The following TTI1 variants were observed in gnomAD, a reference collection of about 807,000 sequenced individuals.
TTI1 encodes the protein TELO2 interacting protein 1, also known as TELO2-interacting protein 1 homolog.
In TTI1, 52 loss-of-function variants were observed where a neutral mutation model predicts 85.4. The observed-to-expected ratio is 0.61, with a 90% CI of 0.49 to 0.77. The LOEUF (loss-of-function observed/expected upper bound fraction) is 0.77. Ranked by LOEUF, TTI1 falls within the 30% of genes least tolerant of loss-of-function variation. The pLI is 0.00. For missense variants in TTI1, 1,173 were observed against 1,296.0 expected (o/e 0.91, Z 1.46); for synonymous variants, 512 against 503.9 (o/e 1.02, Z -0.22).
At position 37,983,219 on chromosome 20, in the gene TTI1, T is replaced by C. The variant is rs1051902630; in HGVS notation, c.*237A>G. The stretch of plus-strand genomic sequence containing the variant: ...ATGGTAGGCTAAGGGGTTAAACCCT[T>C]AGAGCCACCAGACAATGTCACTTGA... On this transcript the variant is annotated 3_prime_UTR_variant, in exon 8 of 8. Coordinates refer to ENST00000373447, the MANE Select transcript of TTI1 (RefSeq NM_001303457.2). 6.5e-6 allele frequency: 3 copies of C among 463,108 alleles called. No individual in the cohort carries two copies. The highest frequency in any genetic ancestry group is 6.1e-5 in the African/African-American group (3 of 49,336). 28.7% of individuals were successfully genotyped at this position (463,108 alleles called of 1,614,324 possible). A position where few individuals can be genotyped will look rare whatever the true frequency, so the allele number is the denominator to read the frequency against.
At position 38,011,506 on chromosome 20, in the gene TTI1, T is replaced by G; in HGVS notation, c.2302+9A>C. The G allele has an allele frequency of 1.2e-6, 2 of 1,612,534 alleles. No homozygotes were observed. The highest frequency in any genetic ancestry group is 1.7e-6 in the Non-Finnish European group (2 of 1,178,974). ...CACACATCAGCATTAAAAAGGGCTC[T>G]CAATGTACCTAATGCTGCCATCAGA... On this transcript the variant is annotated intron_variant, in intron 2 of 7. Coordinates refer to ENST00000373447, the MANE Select transcript of TTI1 (RefSeq NM_001303457.2).
At chr20:38,018,024 G>A (rs1456539129) in intron 1 of TTI1, among the ~76,000 whole-genome samples, 2 of 152,156 alleles carry the variant, frequency 1.3e-5, no homozygotes, top group African/African-American at 4.8e-5. Context: ...CCTTGATGGT[G>A]GAAGATATAT....
intron 6 of TTI1, 31 bp downstream of exon 6, chr20:37,996,718 G>C (rs1325635902): frequency 6.3e-7 from 1 of 1,580,252 alleles, no homozygotes; most frequent in Non-Finnish European, 8.6e-7. Flanking sequence ...TGCTAAGTGT[G>C]TGTGTTCAGG....
chr20:37,984,583 C>T (rs1389932913), intron 7 of TTI1, among the ~76,000 whole-genome samples: 2 of 152,212 alleles, frequency 1.3e-5, no homozygotes, highest in Non-Finnish European at 2.9e-5. Flanking sequence ...ATGGGGCCCT[C>T]CTGCAGTGAG....
chr20:38,031,741 G>C (rs528071867), intron 1 of TTI1, among the ~76,000 whole-genome samples: 1 of 152,266 alleles, frequency 6.6e-6, no homozygotes, highest in Non-Finnish European at 1.5e-5. Context: ...GCAAGAATTT[G>C]GGATCAGACA....
chr20:38,010,278 T>C (rs1360554093), intron 2 of TTI1, among the ~76,000 whole-genome samples: 3 of 152,208 alleles, frequency 2.0e-5, no homozygotes, highest in South Asian at 2.1e-4. Context: ...CTTTTTCAAC[T>C]GACAAAATGA....
chr20:37,983,757 A>C, intron 7 of TTI1, 118 bp from the exon 8 acceptor site: 3 of 1,015,374 alleles, frequency 3.0e-6, no homozygotes, highest in Non-Finnish European at 4.0e-6. Flanking sequence ...TAACAATATC[A>C]AGTCACTTCA....
At chr20:38,020,323 A>ATATAT (rs1555795789) in intron 1 of TTI1, among the ~76,000 whole-genome samples, 86 of 50,372 alleles carry the variant, frequency 1.7e-3, no homozygotes, top group African/African-American at 4.5e-3. Flanking sequence ...AAAAAAAAAA[A>ATATAT]ATATATATAT....
intron 1 of TTI1, among the ~76,000 whole-genome samples, chr20:38,027,246 C>A (rs1014891667): frequency 2.0e-5 from 3 of 152,150 alleles, no homozygotes; most frequent in African/African-American, 2.4e-5. Context: ...TTGCATATAA[C>A]CCATGCATAT....
intron 2 of TTI1, among the ~76,000 whole-genome samples, chr20:38,009,373 T>C (rs572990841): frequency 2.6e-5 from 4 of 152,300 alleles, no homozygotes; most frequent in South Asian, 2.1e-4. Flanking sequence ...CTCTTGCTCC[T>C]CAAGGCCCTA....
chr20:37,987,909 G>A (rs1469314309), intron 7 of TTI1, among the ~76,000 whole-genome samples: 1 of 152,218 alleles, frequency 6.6e-6, no homozygotes, highest in Non-Finnish European at 1.5e-5. Flanking sequence ...TGATCAGTAT[G>A]GGGGTGCCCC....
chr20:38,023,363 C>T (rs542828861), intron 1 of TTI1, among the ~76,000 whole-genome samples: 7 of 152,294 alleles, frequency 4.6e-5, no homozygotes, highest in African/African-American at 1.7e-4. Flanking sequence ...ACCAGATCTA[C>T]GGAATCAGAA....
chr20:38,024,969 T>C (rs2073817542), intron 1 of TTI1, among the ~76,000 whole-genome samples: 1 of 151,906 alleles, frequency 6.6e-6, no homozygotes, highest in South Asian at 2.1e-4. Flanking sequence ...AAGTGGGGAG[T>C]TGGGACTGCC....
intron 3 of TTI1, among the ~76,000 whole-genome samples, chr20:38,005,489 G>C (rs1243354967): frequency 1.3e-5 from 2 of 151,800 alleles, no homozygotes; most frequent in African/African-American, 2.4e-5. Flanking sequence ...TAGACAATGG[G>C]AATAAGGAAA....
At chr20:38,003,231 G>A (rs748169491) in intron 3 of TTI1, among the ~76,000 whole-genome samples, 4 of 152,134 alleles carry the variant, frequency 2.6e-5, no homozygotes, top group African/African-American at 4.8e-5. Flanking sequence ...TCATAGTGCT[G>A]GGATTACAGG....
chr20:37,988,406 G>A (rs941452487), intron 7 of TTI1, among the ~76,000 whole-genome samples: 1 of 152,186 alleles, frequency 6.6e-6, no homozygotes, highest in Non-Finnish European at 1.5e-5. Context: ...GAATATTACA[G>A]AATATGTTCT....
chr20:37,997,050 TG>T, intron 5 of TTI1, 97 bp from the exon 6 acceptor site: 44 of 1,306,842 alleles, frequency 3.4e-5, no homozygotes, highest in South Asian at 2.5e-4. Flanking sequence ...GGTCTCTGCT[TG>T]GGGGAAAAAA....
At chr20:38,007,747 A>T (rs2073523232) in intron 2 of TTI1, among the ~76,000 whole-genome samples, 1 of 152,248 alleles carries the variant, frequency 6.6e-6, no homozygotes, top group African/African-American at 2.4e-5. Flanking sequence ...GAGCAGCAGC[A>T]GATGGGAGAT....
intron 1 of TTI1, among the ~76,000 whole-genome samples, chr20:38,018,135 G>A (rs2073710851): frequency 6.6e-6 from 1 of 152,318 alleles, no homozygotes; most frequent in East Asian, 1.9e-4. Flanking sequence ...AGAAAAAACA[G>A]ACATTAGAAG....
Sources: gnomAD v4.1 joint callset for allele counts (sites outside exome capture counted in the v4.1 genomes callset) on GRCh38, gnomAD v4.1.1 for gene constraint, MANE v1.5 for transcripts, NCBI Gene and HGNC (gene_info 2026-07-23, HGNC 2026-07-21) for gene names.